The following PSD3 variants were observed in gnomAD, a reference collection of about 807,000 sequenced individuals.
PSD3 encodes pleckstrin and Sec7 domain containing 3.
Under a neutral mutation model 105.5 loss-of-function variants are expected in PSD3, and 49 were observed. That is an observed-to-expected ratio of 0.46 (90% confidence interval 0.37 to 0.59). PSD3 has a LOEUF of 0.59. PSD3 is among the 20% of genes least tolerant of loss of function. The pLI is 0.00. For missense variants in PSD3, 1,561 were observed against 1,263.8 expected (o/e 1.24, Z -3.57); for synonymous variants, 557 against 457.8 (o/e 1.22, Z -2.77).
At chr8:18,886,130 T>C (rs1818438309) in intron 2 of PSD3, among the ~76,000 whole-genome samples, 1 of 151,772 alleles carries the variant, frequency 6.6e-6, no homozygotes, top group South Asian at 2.1e-4. Context: ...GTCTATATAA[T>C]ATATCACAAA....
chr8:18,558,038 T>C (rs1349990495), intron 14 of PSD3, among the ~76,000 whole-genome samples: 2 of 152,202 alleles, frequency 1.3e-5, no homozygotes, highest in East Asian at 1.9e-4. Context: ...TGGAAGGCCA[T>C]GGTGGCCATC....
chr8:18,969,460 G>A (rs1445876600), intron 1 of PSD3, among the ~76,000 whole-genome samples: 1 of 152,178 alleles, frequency 6.6e-6, no homozygotes, highest in Non-Finnish European at 1.5e-5. Context: ...GGTGACAGGG[G>A]ACTCTGTAAT....
intron 9 of PSD3, among the ~76,000 whole-genome samples, chr8:18,677,968 C>CGT (rs1277534892): frequency 6.7e-6 from 1 of 150,184 alleles, no homozygotes. Flanking sequence ...CGAGATCAGG[C>CGT]CACTGCACTC....
intron 9 of PSD3, among the ~76,000 whole-genome samples, chr8:18,693,853 G>T (rs7000474): frequency 0.85 from 129,416 of 152,174 alleles, 56,205 homozygotes; most frequent in Non-Finnish European, 0.95. Flanking sequence ...AGTTATTAAA[G>T]GTCAGTTTCC....
chr8:18,586,078 G>A (rs911618975), intron 12 of PSD3, among the ~76,000 whole-genome samples: 8 of 152,218 alleles, frequency 5.3e-5, no homozygotes, highest in Middle Eastern at 3.4e-3. Flanking sequence ...CCGACACTGT[G>A]CCCATGTGTT....
chr8:18,960,649 T>C (rs560529582), intron 1 of PSD3, among the ~76,000 whole-genome samples: 10 of 152,336 alleles, frequency 6.6e-5, no homozygotes, highest in African/African-American at 2.2e-4. Flanking sequence ...TTTTACACTT[T>C]CTATGTATAA....
intron 4 of PSD3, among the ~76,000 whole-genome samples, chr8:18,866,901 C>T (rs1816979481): frequency 6.6e-6 from 1 of 151,788 alleles, no homozygotes; most frequent in Admixed American, 6.6e-5. Flanking sequence ...CATACACACA[C>T]ACACACACAC....
chr8:18,928,670 T>C (rs1821532961), intron 2 of PSD3, among the ~76,000 whole-genome samples: 2 of 151,970 alleles, frequency 1.3e-5, no homozygotes, highest in Admixed American at 1.3e-4. Flanking sequence ...CTCTCTCTCT[T>C]TCTTCCTTCC....
intron 1 of PSD3, among the ~76,000 whole-genome samples, chr8:19,040,126 C>T (rs1241968091): frequency 6.6e-6 from 1 of 152,184 alleles, no homozygotes; most frequent in South Asian, 2.1e-4. Flanking sequence ...GAAACAGGAA[C>T]GATCTCAAGA....
rs1284055164 is a variant in PSD3 at position 18,649,686 on chromosome 8, A to C, written c.2216+5956T>G. On this transcript the variant is annotated intron_variant, in intron 10 of 15. Transcript: ENST00000327040. ...ATATGGTTTGGATCTGTGCTCCCAC[A>C]CAAATCTAATGTTGAATTGTAATCC... is the stretch of plus-strand genomic sequence containing the variant. 2.6e-5 allele frequency among the ~76,000 whole-genome samples: 4 copies of C among 152,230 alleles called. No individual in the cohort carries two copies. In the East Asian group the frequency reaches 7.7e-4, roughly 29 times the overall value.
intron 14 of PSD3, among the ~76,000 whole-genome samples, chr8:18,560,420 G>A (rs1215713742): frequency 6.6e-6 from 1 of 152,006 alleles, no homozygotes; most frequent in East Asian, 1.9e-4. Context: ...CATACATACT[G>A]TTTTTAGAAG....
At chr8:18,850,263 T>C (rs1026603974) in intron 4 of PSD3, among the ~76,000 whole-genome samples, 8 of 152,216 alleles carry the variant, frequency 5.3e-5, no homozygotes, top group Non-Finnish European at 4.4e-5. Context: ...CTGAAAGATA[T>C]TCATTCTCCA....
In PSD3 at chr8:18,576,616, G is replaced by A. The variant is rs186477068; in HGVS notation, c.2482-1331C>T. 1.1e-3 allele frequency among the ~76,000 whole-genome samples: 165 copies of A among 152,188 alleles called. 1 individual carries two copies. Among genetic ancestry groups the A allele is most frequent in the Middle Eastern group, 0.01 (3 of 294 alleles). ...TCCTTCCAGGGAAATTTTCATCAGA[G>A]TAGGAATTTCAACTAGAGGTAGCAT... On this transcript the variant is annotated intron_variant, in intron 12 of 15. Transcript: ENST00000327040.
At position 18,703,161 on chromosome 8, in the gene PSD3, C is replaced by A. The variant is rs944741780; in HGVS notation, c.2173-47476G>T. The stretch of plus-strand genomic sequence containing the variant: ...GGAATACAAGAAAAAGAAGGCAACA[C>A]CACCAGCAGATGCCACTGCCTCGTC... On this transcript the variant is annotated intron_variant, in intron 9 of 15. Transcript: ENST00000327040. 9.9e-5 allele frequency among the ~76,000 whole-genome samples: 15 copies of A among 152,228 alleles called. No individual in the cohort carries two copies. In the South Asian group the frequency reaches 1.2e-3, roughly 13 times the overall value.
At chr8:18,575,420 G>C (rs1334496414) in intron 12 of PSD3, 135 bp from the exon 13 acceptor site, 8 of 784,862 alleles carry the variant, frequency 1.0e-5, no homozygotes, top group Non-Finnish European at 1.3e-5. Context: ...CAAACGGTGA[G>C]TAAAAACAAC....
chr8:18,633,144 A>C (rs1191279317), intron 10 of PSD3, among the ~76,000 whole-genome samples: 1 of 152,094 alleles, frequency 6.6e-6, no homozygotes, highest in Non-Finnish European at 1.5e-5. Flanking sequence ...CACCGTTTAC[A>C]ATGCTTTCAT....
At chr8:18,847,005 G>A (rs911035429) in intron 4 of PSD3, among the ~76,000 whole-genome samples, 5 of 152,020 alleles carry the variant, frequency 3.3e-5, no homozygotes, top group South Asian at 2.1e-4. Flanking sequence ...AGAAAAATTC[G>A]CCTCAATTTG....
At position 18,532,764 on chromosome 8, in the gene PSD3, T is replaced by G. The variant is rs1394883590; in HGVS notation, c.*2979A>C. On this transcript the variant is annotated 3_prime_UTR_variant, in exon 16 of 16. Coordinates refer to ENST00000327040, the MANE Select transcript of PSD3 (RefSeq NM_015310.4). ...ATGAGGAATCCCAGACACCTCCCTG[T>G]AAAAGCCAGCATGCGAGGTGGGGAC... The G allele has an allele frequency of 3.3e-5, 5 of 152,162 alleles. No individual in the cohort carries two copies. The highest frequency in any genetic ancestry group is 2.0e-4 in the Admixed American group (3 of 15,272). 9.4% of individuals were successfully genotyped at this position (152,162 alleles called of 1,614,324 possible). A position where few individuals can be genotyped will look rare whatever the true frequency, so the allele number is the denominator to read the frequency against.
chr8:18,998,120 A>G (rs1826177704), intron 1 of PSD3, among the ~76,000 whole-genome samples: 1 of 151,986 alleles, frequency 6.6e-6, no homozygotes, highest in Non-Finnish European at 1.5e-5. Context: ...ATGAAGGAAA[A>G]GTGACTGTGA....
Sources: gnomAD v4.1 joint callset for allele counts (sites outside exome capture counted in the v4.1 genomes callset) on GRCh38, gnomAD v4.1.1 for gene constraint, MANE v1.5 for transcripts, NCBI Gene and HGNC (gene_info 2026-07-23, HGNC 2026-07-21) for gene names.